The following KLHL14 variants were observed in gnomAD, a reference collection of about 807,000 sequenced individuals.
KLHL14 encodes kelch-like protein 14.
In KLHL14, 22 loss-of-function variants were observed where a neutral mutation model predicts 64.3. The observed-to-expected ratio is 0.34, with a 90% confidence interval of 0.24 to 0.49. The LOEUF is 0.49. Ranked by LOEUF, KLHL14 falls within the 20% of genes least tolerant of loss-of-function variation. The pLI, the probability that KLHL14 is intolerant of heterozygous loss-of-function variation, is 0.99. For synonymous variants in KLHL14, 322 were observed against 333.4 expected (o/e 0.97, Z 0.37); for missense variants, 661 against 789.0 (o/e 0.84, Z 1.94).
chr18:32,751,099 G>C (rs2050248890), intron 2 of KLHL14, among the ~76,000 whole-genome samples: 1 of 152,168 alleles, frequency 6.6e-6, no homozygotes, highest in Admixed American at 6.5e-5. Flanking sequence ...AGATCGTGGG[G>C]AGGAAGTAAC....
At chr18:32,746,523 T>C (rs2050224746) in intron 2 of KLHL14, among the ~76,000 whole-genome samples, 2 of 152,258 alleles carry the variant, frequency 1.3e-5, no homozygotes, top group African/African-American at 4.8e-5. Flanking sequence ...CTCATTTATT[T>C]ATATTTCAGT....
intron 2 of KLHL14, among the ~76,000 whole-genome samples, chr18:32,763,714 A>C (rs1233807052): frequency 6.6e-6 from 1 of 152,172 alleles, no homozygotes; most frequent in African/African-American, 2.4e-5. Flanking sequence ...AAAATTACCT[A>C]TATTTTTATT....
intron 3 of KLHL14, among the ~76,000 whole-genome samples, chr18:32,710,081 T>C (rs112149406): frequency 1.1e-3 from 169 of 152,346 alleles, no homozygotes; most frequent in African/African-American, 3.9e-3. Context: ...ATCAGTAAAA[T>C]GTTGATTATA....
At chr18:32,769,541 C>G in intron 2 of KLHL14, 104 bp downstream of exon 2, 1 of 1,043,290 alleles carries the variant, frequency 9.6e-7, no homozygotes, top group Non-Finnish European at 1.3e-6. Flanking sequence ...CAGAGCCACC[C>G]GCCCAGGCCA....
At position 32,674,205 on chromosome 18, in the gene KLHL14, GC is replaced by G. The variant is rs1035952103; in HGVS notation, c.*451del. On this transcript the variant is annotated 3_prime_UTR_variant, in exon 9 of 9. Transcript: ENST00000359358. ...AAGGTTAAGAGTACAGAATCAAGTG[GC>G]AATTTCTGTAATGCAGTGTATTTTG... is the stretch of plus-strand genomic sequence containing the variant. 6.5e-6 allele frequency: 1 copy of G among 153,790 alleles called. No homozygotes were observed. The highest frequency in any genetic ancestry group is 2.4e-5 in the African/African-American group (1 of 41,458). 9.5% of individuals were successfully genotyped at this position (153,790 alleles called of 1,614,324 possible). A position where few individuals can be genotyped will look rare whatever the true frequency, so the allele number is the denominator to read the frequency against.
chr18:32,692,349 T>C (rs2049911712), intron 4 of KLHL14, among the ~76,000 whole-genome samples: 1 of 152,216 alleles, frequency 6.6e-6, no homozygotes, highest in South Asian at 2.1e-4. Flanking sequence ...TAAGAACTAA[T>C]GTTTAACTTA....
intron 3 of KLHL14, among the ~76,000 whole-genome samples, chr18:32,703,331 A>AT (rs1312998139): frequency 2.0e-5 from 3 of 152,280 alleles, no homozygotes; most frequent in Admixed American, 6.5e-5. Flanking sequence ...TATGGAATTT[A>AT]TTTTTTTGGA....
intron 3 of KLHL14, chr18:32,734,193 C>G (rs138639051): frequency 4.3e-6 from 3 of 702,778 alleles, no homozygotes; most frequent in African/African-American, 1.7e-5. Flanking sequence ...TCCTTCTGAA[C>G]TCTGGTGAGC....
Position 32,734,232 on chromosome 18 carries a change from G to C in KLHL14, c.1069+7696C>G, listed in dbSNP as rs1223930672. ...CACTTTCCTGCTTCCCTGAAATGGG[G>C]TGTGGTCCTGTGACTGAGAAGAAAT... On this transcript the variant is annotated intron_variant, in intron 3 of 8. Transcript: ENST00000359358. 8.5e-6 allele frequency: 6 copies of C among 702,830 alleles called. No homozygotes were observed. In the East Asian group the frequency reaches 1.6e-4, roughly 19 times the overall value. 43.5% of individuals were successfully genotyped at this position (702,830 alleles called of 1,614,324 possible).
intron 3 of KLHL14, among the ~76,000 whole-genome samples, chr18:32,730,872 C>T (rs2050133738): frequency 6.6e-6 from 1 of 152,168 alleles, no homozygotes; most frequent in South Asian, 2.1e-4. Flanking sequence ...AATGACCAAA[C>T]AAGGCAGGTC....
intron 3 of KLHL14, chr18:32,734,033 C>T: frequency 1.6e-6 from 1 of 635,790 alleles, no homozygotes; most frequent in East Asian, 2.7e-5. Context: ...CAGAGGTCCT[C>T]CACAATGAGC....
Position 32,735,806 on chromosome 18 carries a change from G to A in KLHL14, c.1069+6122C>T, listed in dbSNP as rs147776288. 3.0e-4 allele frequency among the ~76,000 whole-genome samples: 46 copies of A among 152,246 alleles called. No homozygotes were observed. In the East Asian group the frequency reaches 6.7e-3, roughly 22 times the overall value. On this transcript the variant is annotated intron_variant, in intron 3 of 8. Transcript: ENST00000359358. ...ATGGTGATATTTGTTTTGGCTCAGC[G>A]TGGTATCCTCTGTGCTTAGCACAAT...
Position 32,741,995 on chromosome 18 carries a change from C to T in KLHL14, c.1002G>A (p.Pro334=), listed in dbSNP as rs369873078. The T allele has an allele frequency of 1.4e-5, 22 of 1,613,012 alleles. No homozygotes were observed. Among genetic ancestry groups the T allele is most frequent in the South Asian group, 1.1e-4 (10 of 90,720 alleles). ...LLLVGGLPPG[P]DRLPSNLVQY... Reference sequence around the variant, plus strand: ...GAACCAAATTGCTGGGGAGCCGGTCCGGTCCAGGAGGCAGCCCTCCAACCA... The same window carrying T: ...GAACCAAATTGCTGGGGAGCCGGTCTGGTCCAGGAGGCAGCCCTCCAACCA... Residue 334 remains proline, a synonymous_variant, in exon 3 of 9, where the codon CCG becomes CCA. Transcript: ENST00000359358.
chr18:32,685,648 A>T (rs2049873490), intron 5 of KLHL14, among the ~76,000 whole-genome samples: 1 of 152,200 alleles, frequency 6.6e-6, no homozygotes, highest in African/African-American at 2.4e-5. Flanking sequence ...TTATTTCCTC[A>T]GGTACCTTTG....
At chr18:32,695,247 C>T (rs1169979075) in intron 4 of KLHL14, among the ~76,000 whole-genome samples, 1 of 152,124 alleles carries the variant, frequency 6.6e-6, no homozygotes, top group Non-Finnish European at 1.5e-5. Flanking sequence ...GCCAAATCCC[C>T]AGACAGTTGA....
intron 5 of KLHL14, among the ~76,000 whole-genome samples, chr18:32,684,957 A>G (rs562415402): frequency 6.6e-6 from 1 of 152,232 alleles, no homozygotes; most frequent in Admixed American, 6.5e-5. Flanking sequence ...TGCAAGATTG[A>G]CGGGGCATTT....
intron 7 of KLHL14, among the ~76,000 whole-genome samples, chr18:32,677,792 CAG>C (rs1180614073): frequency 6.6e-6 from 1 of 152,100 alleles, no homozygotes; most frequent in Non-Finnish European, 1.5e-5. Context: ...AACTGAGAGA[CAG>C]AGAAAGTCAA....
intron 3 of KLHL14, among the ~76,000 whole-genome samples, chr18:32,724,108 A>T (rs1053593324): frequency 6.6e-6 from 1 of 152,240 alleles, no homozygotes; most frequent in Non-Finnish European, 1.5e-5. Context: ...AAGGTTTCAT[A>T]GAACATGGCT....
At chr18:32,738,390 G>A (rs1231375527) in intron 3 of KLHL14, 1 of 152,138 alleles carries the variant, frequency 6.6e-6, no homozygotes, top group Admixed American at 6.6e-5. Context: ...ACGGGAGACT[G>A]CGTGCAGGAG....
Sources: allele counts gnomAD v4.1 joint callset (sites outside exome capture counted in the v4.1 genomes callset), GRCh38; gene constraint gnomAD v4.1.1; transcripts MANE v1.5; gene names NCBI Gene and HGNC (gene_info 2026-07-23, HGNC 2026-07-21).